Variants in WWOX observed in about 807,000 individuals in gnomAD.
WWOX encodes the protein WW domain containing oxidoreductase.
WWOX carries 69 observed loss-of-function variants against 46.2 expected under a neutral mutation model. The ratio of observed to expected loss-of-function variants is 1.49; its 90% CI spans 1.23 to 1.82. The LOEUF is 1.82. Ranked by LOEUF, WWOX falls within the 40% of genes most tolerant of loss-of-function variation. The probability of loss-of-function intolerance (pLI) is 0.00; values close to 1 mark genes in which losing one functional copy is unlikely to be tolerated. For missense variants in WWOX, 919 were observed against 542.6 expected (o/e 1.69, Z -6.89); for synonymous variants, 359 against 202.6 (o/e 1.77, Z -6.56).
At position 78,887,077 on chromosome 16, in the gene WWOX, G is replaced by GGTGTGTGTGTGT. The variant is rs749992495; in HGVS notation, c.1057-324484_1057-324473dup. Among the ~76,000 whole-genome samples the GGTGTGTGTGTGT allele has an allele frequency of 6.7e-4, 41 of 61,362 alleles. 1 individual carries two copies. The highest frequency in any genetic ancestry group is 1.7e-3 in the African/African-American group (38 of 21,872). 40.3% of individuals were successfully genotyped at this position (61,362 alleles called of 152,430 possible). ...AGTCTGGCTATATGTGTGTGTGTGT[G>GGTGTGTGTGTGT]GTGTGTGTGTGTGTGTGTGTGTGTG... On this transcript the variant is annotated intron_variant, in intron 8 of 8. Coordinates refer to ENST00000566780, the MANE Select transcript of WWOX (RefSeq NM_016373.4).
At chr16:78,893,982 T>TCCCTGATTACCATAGAGTAATGTC (rs1175285565) in intron 8 of WWOX, among the ~76,000 whole-genome samples, 2 of 151,530 alleles carry the variant, frequency 1.3e-5, no homozygotes, top group Middle Eastern at 3.4e-3. Flanking sequence ...GTACCAGGTA[T>TCCCTGATTACCATAGAGTAATGTC]CCCTGATTAC....
At chr16:78,207,382 T>A (rs28713295) in intron 5 of WWOX, among the ~76,000 whole-genome samples, 10,874 of 152,278 alleles carry the variant, frequency 0.071, 414 homozygotes, top group Middle Eastern at 0.092. Context: ...TTCATATCCC[T>A]GATAGATATT....
intron 8 of WWOX, among the ~76,000 whole-genome samples, chr16:78,864,214 T>A (rs1458477226): frequency 6.6e-6 from 1 of 152,110 alleles, no homozygotes; most frequent in African/African-American, 2.4e-5. Flanking sequence ...TTTTATAAAT[T>A]TTTGATGTTG....
In WWOX at chr16:79,004,681, C is replaced by G. The variant is rs1235051545; in HGVS notation, c.1057-206927C>G. 2.6e-5 allele frequency: 4 copies of G among 152,340 alleles called. No homozygotes were observed. In the East Asian group the frequency reaches 5.8e-4, roughly 22 times the overall value. The allele number at this position is 152,340 out of a possible 1,614,324, so 9.4% of individuals were successfully genotyped here. On this transcript the variant is annotated intron_variant, in intron 8 of 8. Transcript: ENST00000566780. The stretch of plus-strand genomic sequence containing the variant: ...TTATACTGGTGCGAAGTGATGCCTG[C>G]TCAGATTCTGGGCGTTTCACGGGAA...
chr16:78,442,037 C>T (rs2083456502), intron 8 of WWOX, among the ~76,000 whole-genome samples: 2 of 151,052 alleles, frequency 1.3e-5, no homozygotes, highest in East Asian at 3.9e-4. Flanking sequence ...TTGAGGAGGC[C>T]AAGCTGGGAG....
At chr16:79,103,215 G>A (rs891504277) in intron 8 of WWOX, among the ~76,000 whole-genome samples, 6 of 152,216 alleles carry the variant, frequency 3.9e-5, no homozygotes, top group Admixed American at 1.3e-4. Flanking sequence ...ATTGACTGCA[G>A]TGTTGCCGAA....
chr16:78,627,458 C>G (rs1336299623), intron 8 of WWOX, among the ~76,000 whole-genome samples: 2 of 152,210 alleles, frequency 1.3e-5, no homozygotes, highest in Admixed American at 6.5e-5. Flanking sequence ...TCCAAGGCCT[C>G]TTCCAATCTT....
chr16:78,282,694 A>T (rs1158102863), intron 5 of WWOX, among the ~76,000 whole-genome samples: 1 of 151,888 alleles, frequency 6.6e-6, no homozygotes, highest in African/African-American at 2.4e-5. Flanking sequence ...GGCCAATGTG[A>T]TGTGAGACCC....
intron 4 of WWOX, among the ~76,000 whole-genome samples, chr16:78,152,539 C>G (rs2034454546): frequency 6.6e-6 from 1 of 152,126 alleles, no homozygotes; most frequent in Admixed American, 6.6e-5. Flanking sequence ...GCCTGGTTGC[C>G]CCACATCTTT....
intron 8 of WWOX, among the ~76,000 whole-genome samples, chr16:79,192,035 C>G (rs959032790): frequency 6.6e-6 from 1 of 152,168 alleles, no homozygotes; most frequent in Non-Finnish European, 1.5e-5. Flanking sequence ...CTGGGGCATT[C>G]GCGTTAGAGA....
At chr16:78,812,882 T>G (rs570275392) in intron 8 of WWOX, among the ~76,000 whole-genome samples, 67 of 152,366 alleles carry the variant, frequency 4.4e-4, no homozygotes, top group African/African-American at 1.5e-3. Flanking sequence ...ATTTCACATC[T>G]TCTTAAACAC....
At chr16:78,959,729 G>C (rs933745987) in intron 8 of WWOX, among the ~76,000 whole-genome samples, 2 of 152,134 alleles carry the variant, frequency 1.3e-5, no homozygotes, top group Admixed American at 1.3e-4. Context: ...AAAAGGCCTA[G>C]GAGCCTTTCC....
At chr16:78,819,071 G>T (rs905437050) in intron 8 of WWOX, among the ~76,000 whole-genome samples, 1 of 152,184 alleles carries the variant, frequency 6.6e-6, no homozygotes. Context: ...ACATGAGCAG[G>T]CCCATAGTAC....
At position 78,152,730 on chromosome 16, in the gene WWOX, T is replaced by A. The variant is rs527599411; in HGVS notation, c.410-11453T>A. Reference sequence around the variant, plus strand: ...ACAGTGGCAGCACTAGTAGCCAGCCTGGGGTCAGTCTTGCCTCTCGAGAGA... The same window carrying A: ...ACAGTGGCAGCACTAGTAGCCAGCCAGGGGTCAGTCTTGCCTCTCGAGAGA... On this transcript the variant is annotated intron_variant, in intron 4 of 8. Coordinates refer to ENST00000566780, the MANE Select transcript of WWOX (RefSeq NM_016373.4). Among the ~76,000 whole-genome samples, 7 of 152,348 alleles carry A rather than the reference T, an allele frequency of 4.6e-5. No homozygotes were observed. In the South Asian group the frequency reaches 1.2e-3, roughly 27 times the overall value.
chr16:78,336,226 A>G (rs1470434161), intron 5 of WWOX, among the ~76,000 whole-genome samples: 4 of 151,944 alleles, frequency 2.6e-5, no homozygotes, highest in Non-Finnish European at 4.4e-5. Context: ...GTGATCCACA[A>G]CTTTGGGAGG....
intron 5 of WWOX, among the ~76,000 whole-genome samples, chr16:78,191,403 A>G (rs904163225): frequency 1.4e-4 from 22 of 152,204 alleles, no homozygotes; most frequent in East Asian, 1.2e-3. Context: ...AAATCTGCCA[A>G]TAGAAAATAG....
At chr16:78,778,925 GCCCCTTGTTCA>G (rs1166543812) in intron 8 of WWOX, among the ~76,000 whole-genome samples, 1 of 152,074 alleles carries the variant, frequency 6.6e-6, no homozygotes, top group East Asian at 1.9e-4. Flanking sequence ...ATAGGATGTC[GCCCCTTGTTCA>G]CCCCTTGGCA....
rs144857631 is a variant in WWOX at position 78,965,912 on chromosome 16, C to T, written c.1057-245696C>T. Among the ~76,000 whole-genome samples the T allele has an allele frequency of 2.4e-3, 372 of 152,194 alleles. 1 individual carries two copies. Among genetic ancestry groups the T allele is most frequent in the South Asian group, 0.013 (64 of 4,826 alleles). ...TATTGCCGTGGTTTATACAATTGGA[C>T]GAAATGGGTGATCTAATTTGGACTC... On this transcript the variant is annotated intron_variant, in intron 8 of 8. Coordinates refer to ENST00000566780, the MANE Select transcript of WWOX (RefSeq NM_016373.4).
At chr16:78,509,614 G>C (rs1336799738) in intron 8 of WWOX, among the ~76,000 whole-genome samples, 1 of 152,102 alleles carries the variant, frequency 6.6e-6, no homozygotes, top group African/African-American at 2.4e-5. Context: ...CTGCATTCAG[G>C]GATACCAACT....
Sources: allele counts gnomAD v4.1 joint callset (sites outside exome capture counted in the v4.1 genomes callset), GRCh38; gene constraint gnomAD v4.1.1; transcripts MANE v1.5; gene names NCBI Gene and HGNC (gene_info 2026-07-23, HGNC 2026-07-21).